Variants in HS6ST3 observed in about 807,000 individuals in gnomAD.
HS6ST3 encodes heparan-sulfate 6-O-sulfotransferase 3.
In HS6ST3, 12 loss-of-function variants were observed where a neutral mutation model predicts 36.7. The observed-to-expected ratio is 0.33, with a 90% confidence interval of 0.21 to 0.53. The LOEUF (loss-of-function observed/expected upper bound fraction) is 0.53, where lower values mean the gene tolerates loss of function less well. Among genes scored for constraint, HS6ST3 ranks in the 20% least tolerant of loss-of-function variants. The pLI is 0.95. For missense variants in HS6ST3, 584 were observed against 640.9 expected (o/e 0.91, Z 0.96); for synonymous variants, 240 against 257.5 (o/e 0.93, Z 0.65).
intron 1 of HS6ST3, among the ~76,000 whole-genome samples, chr13:96,425,190 C>A (rs540470848): frequency 3.9e-4 from 60 of 152,292 alleles, no homozygotes; most frequent in African/African-American, 1.3e-3. Flanking sequence ...AGCATGGCAC[C>A]AGCCTCTTAG....
At chr13:96,135,847 A>G (rs905861293) in intron 1 of HS6ST3, among the ~76,000 whole-genome samples, 1 of 151,682 alleles carries the variant, frequency 6.6e-6, no homozygotes, top group African/African-American at 2.4e-5. Context: ...ACTACCACTT[A>G]TAAAAAGCAT....
chr13:96,334,323 C>T (rs116667966), intron 1 of HS6ST3, among the ~76,000 whole-genome samples: 1,741 of 152,120 alleles, frequency 0.011, 36 homozygotes, highest in African/African-American at 0.04. Flanking sequence ...GCACCTCTTC[C>T]CAACTCAAAC....
intron 1 of HS6ST3, among the ~76,000 whole-genome samples, chr13:96,700,907 C>T (rs1256374426): frequency 1.3e-5 from 2 of 152,134 alleles, no homozygotes; most frequent in East Asian, 1.9e-4. Flanking sequence ...TGAGTATAAA[C>T]TCCTTACTCA....
rs542317454 is a variant in HS6ST3 at position 96,291,016 on chromosome 13, C to T, written c.707+199447C>T. Reference sequence around the variant, plus strand: ...ATTCTCACCATTTACTCAGAAGCAACCTTTTCTGTGAAGTCTTTCCCGACC... The same window carrying T: ...ATTCTCACCATTTACTCAGAAGCAATCTTTTCTGTGAAGTCTTTCCCGACC... On this transcript the variant is annotated intron_variant, in intron 1 of 1. Transcript: ENST00000376705. 1.3e-3 allele frequency among the ~76,000 whole-genome samples: 195 copies of T among 152,330 alleles called. 1 individual carries two copies. The highest frequency in any genetic ancestry group is 3.4e-3 in the Middle Eastern group (1 of 294).
In HS6ST3 at chr13:96,632,311, G is replaced by GTTT. The variant is rs5805983; in HGVS notation, c.708-200172_708-200170dup. ...AGAACTGTCAGAAATAAATTTCTGT[G>GTTT]TTTTTTTTTGTTTGTTTGTTTTTGT... On this transcript the variant is annotated intron_variant, in intron 1 of 1. Transcript: ENST00000376705. Among the ~76,000 whole-genome samples the GTTT allele has an allele frequency of 1.1e-4, 16 of 150,478 alleles. No individual in the cohort carries two copies. The East Asian group carries it at 3.1e-3, about 30-fold the overall frequency.
At chr13:96,694,172 C>T (rs755309693) in intron 1 of HS6ST3, among the ~76,000 whole-genome samples, 1 of 152,082 alleles carries the variant, frequency 6.6e-6, no homozygotes. Flanking sequence ...TCTCCTCCCA[C>T]CCTCCATCCT....
chr13:96,118,026 C>T (rs756603825), intron 1 of HS6ST3, among the ~76,000 whole-genome samples: 62 of 152,006 alleles, frequency 4.1e-4, no homozygotes, highest in Admixed American at 7.9e-4. Context: ...TGTACCACCA[C>T]GCCCAGCTAA....
At chr13:96,144,401 C>G (rs1415103247) in intron 1 of HS6ST3, among the ~76,000 whole-genome samples, 1 of 151,800 alleles carries the variant, frequency 6.6e-6, no homozygotes, top group Non-Finnish European at 1.5e-5. Flanking sequence ...AGTTAGTATC[C>G]CAGCACAGAG....
At chr13:96,341,228 A>G (rs1277697859) in intron 1 of HS6ST3, among the ~76,000 whole-genome samples, 2 of 151,990 alleles carry the variant, frequency 1.3e-5, no homozygotes, top group Non-Finnish European at 2.9e-5. Flanking sequence ...AAAACAATCA[A>G]ATAAAGACTT....
intron 1 of HS6ST3, among the ~76,000 whole-genome samples, chr13:96,704,546 A>C (rs979018016): frequency 2.0e-5 from 3 of 152,204 alleles, no homozygotes; most frequent in Non-Finnish European, 4.4e-5. Context: ...ATGTCTAAAA[A>C]TTCAATATAG....
chr13:96,261,500 T>G (rs2054666468), intron 1 of HS6ST3, among the ~76,000 whole-genome samples: 1 of 152,218 alleles, frequency 6.6e-6, no homozygotes, highest in African/African-American at 2.4e-5. Flanking sequence ...TAGATTTTAT[T>G]TTCAGTATTA....
chr13:96,584,508 C>T (rs1199979925), intron 1 of HS6ST3, among the ~76,000 whole-genome samples: 3 of 152,166 alleles, frequency 2.0e-5, no homozygotes, highest in African/African-American at 4.8e-5. Flanking sequence ...GGTCTGTTTT[C>T]TTCACCAGTC....
intron 1 of HS6ST3, among the ~76,000 whole-genome samples, chr13:96,606,249 T>C (rs1295794871): frequency 6.6e-6 from 1 of 152,130 alleles, no homozygotes; most frequent in Non-Finnish European, 1.5e-5. Flanking sequence ...TAAATAGCTC[T>C]ACCAAAAAGA....
At chr13:96,825,778 G>C (rs6491308) in intron 1 of HS6ST3, among the ~76,000 whole-genome samples, 2,811 of 152,222 alleles carry the variant, frequency 0.018, 79 homozygotes, top group African/African-American at 0.064. Flanking sequence ...TGAACGTTTA[G>C]TGAAACACAC....
At chr13:96,678,677 A>G (rs1406331575) in intron 1 of HS6ST3, among the ~76,000 whole-genome samples, 3 of 151,930 alleles carry the variant, frequency 2.0e-5, no homozygotes, top group Non-Finnish European at 4.4e-5. Flanking sequence ...GTGAGACTCT[A>G]TCTAAAAAAA....
chr13:96,211,014 T>C (rs529924789), intron 1 of HS6ST3, among the ~76,000 whole-genome samples: 1 of 151,990 alleles, frequency 6.6e-6, no homozygotes, highest in African/African-American at 2.4e-5. Context: ...TCACTCAACC[T>C]CCACTTCCTG....
At chr13:96,093,773 G>C (rs1287975954) in intron 1 of HS6ST3, among the ~76,000 whole-genome samples, 1 of 152,126 alleles carries the variant, frequency 6.6e-6, no homozygotes, top group East Asian at 1.9e-4. Flanking sequence ...GATGTTAACA[G>C]TAGCATCTCT....
intron 1 of HS6ST3, among the ~76,000 whole-genome samples, chr13:96,768,269 A>C (rs924590846): frequency 2.0e-5 from 3 of 152,230 alleles, no homozygotes; most frequent in Admixed American, 1.3e-4. Context: ...GAAGCAACAG[A>C]TTAAGGAAAA....
intron 1 of HS6ST3, among the ~76,000 whole-genome samples, chr13:96,564,169 C>T (rs1278977222): frequency 6.6e-6 from 1 of 152,152 alleles, no homozygotes; most frequent in African/African-American, 2.4e-5. Flanking sequence ...AGTAATTAGG[C>T]AACTTAGCAC....
Sources: allele counts gnomAD v4.1 joint callset (sites outside exome capture counted in the v4.1 genomes callset), GRCh38; gene constraint gnomAD v4.1.1; transcripts MANE v1.5; gene names NCBI Gene and HGNC (gene_info 2026-07-23, HGNC 2026-07-21).